The following TMEM170B variants were observed in gnomAD, a reference collection of about 807,000 sequenced individuals.
TMEM170B encodes transmembrane protein 170B.
TMEM170B carries 6 observed loss-of-function variants against 13.0 expected under a neutral mutation model. The observed-to-expected ratio is 0.46, with a 90% CI of 0.25 to 0.91. TMEM170B has a LOEUF of 0.91. Ranked by LOEUF, TMEM170B falls within the 40% of genes least tolerant of loss-of-function variation. The pLI is 0.17. For synonymous variants in TMEM170B, 61 were observed against 64.9 expected (o/e 0.94, Z 0.29); for missense variants, 138 against 165.2 (o/e 0.84, Z 0.90).
chr6:11,570,514 G>A (rs1271884530), intron 2 of TMEM170B, among the ~76,000 whole-genome samples: 1 of 152,092 alleles, frequency 6.6e-6, no homozygotes, highest in Non-Finnish European at 1.5e-5. Flanking sequence ...TTTATGAACA[G>A]CTATACCTAA....
At chr6:11,551,055 T>C (rs1759517765) in intron 1 of TMEM170B, among the ~76,000 whole-genome samples, 1 of 152,214 alleles carries the variant, frequency 6.6e-6, no homozygotes, top group East Asian at 1.9e-4. Context: ...CTCAGGGTCT[T>C]ACAGTGTCCA....
At position 11,575,475 on chromosome 6, in the gene TMEM170B, GC is replaced by G; in HGVS notation, c.317del (p.Pro106LeufsTer14). 6.2e-7 allele frequency: 1 copy of G among 1,613,504 alleles called. No individual in the cohort carries two copies. The highest frequency in any genetic ancestry group is 1.1e-5 in the South Asian group (1 of 91,058). On this transcript the variant is annotated frameshift_variant, in exon 3 of 3. Coordinates refer to ENST00000379426, the MANE Select transcript of TMEM170B (RefSeq NM_001100829.3). LOFTEE classifies it high-confidence loss of function. The surrounding 1 kb of genome is among the most constrained non-coding windows in gnomAD (Gnocchi z 4.1). ...GIYRVAGKNM[A>X]PLEALVWGVG... The stretch of plus-strand genomic sequence containing the variant: ...TTACAGAGTAGCTGGGAAGAACATG[GC>G]CCCTTTGGAAGCGCTGGTATGGGGC...
At chr6:11,571,242 G>A (rs1013121276) in intron 2 of TMEM170B, among the ~76,000 whole-genome samples, 57 of 150,458 alleles carry the variant, frequency 3.8e-4, no homozygotes, top group Admixed American at 3.3e-3. Flanking sequence ...CTGGAATGCA[G>A]TGACACACTC....
At chr6:11,546,725 G>A (rs1759446111) in intron 1 of TMEM170B, among the ~76,000 whole-genome samples, 1 of 152,198 alleles carries the variant, frequency 6.6e-6, no homozygotes, top group African/African-American at 2.4e-5. Context: ...TTGCCTAGGA[G>A]CAATAGGCTA....
chr6:11,559,529 G>A (rs114475934), intron 1 of TMEM170B, among the ~76,000 whole-genome samples: 329 of 152,188 alleles, frequency 2.2e-3, no homozygotes, highest in Middle Eastern at 0.01. Context: ...AACCATTCAC[G>A]AAGACTATAC....
At chr6:11,550,858 C>G (rs1005934343) in intron 1 of TMEM170B, among the ~76,000 whole-genome samples, 2 of 152,134 alleles carry the variant, frequency 1.3e-5, no homozygotes, top group Non-Finnish European at 2.9e-5. Context: ...GGACATGGTG[C>G]TGTCAGAGAT....
In TMEM170B at chr6:11,575,297, T is replaced by C; in HGVS notation, c.269-134T>C. ...CACCAATCACAGGGAAACTTTTTCA[T>C]AGAAAGTGGATAAAATGAGAAAAAA... On this transcript the variant is annotated intron_variant, in intron 2 of 2. Transcript: ENST00000379426. This position sits in a 1 kb window ranked among gnomAD's most constrained non-coding sequence, Gnocchi z 4.1. The C allele has an allele frequency of 8.0e-7, 1 of 1,251,194 alleles. No homozygotes were observed. Among genetic ancestry groups the C allele is most frequent in the Non-Finnish European group, 1.1e-6 (1 of 905,282 alleles). 77.5% of individuals were successfully genotyped at this position (1,251,194 alleles called of 1,614,324 possible).
At chr6:11,547,065 T>C (rs1759450513) in intron 1 of TMEM170B, among the ~76,000 whole-genome samples, 1 of 152,214 alleles carries the variant, frequency 6.6e-6, no homozygotes, top group Non-Finnish European at 1.5e-5. Context: ...GTAACTGTAA[T>C]TGCAGAAAGT....
rs1266617486 is a variant in TMEM170B, at chr6:11,581,768, CTT to C, written c.*6208_*6209del. ...GAGTACTACTGATGATGACGCTTCTCTTGTTTTTAAAGTATTTACACATCATT... is the reference window on the plus strand; with the variant it reads ...GAGTACTACTGATGATGACGCTTCTCGTTTTTAAAGTATTTACACATCATT... On this transcript the variant is annotated 3_prime_UTR_variant, in exon 3 of 3. Transcript: ENST00000379426. The C allele has an allele frequency of 5.3e-5, 8 of 152,112 alleles. No individual in the cohort carries two copies. Among genetic ancestry groups the C allele is most frequent in the African/African-American group, 1.9e-4 (8 of 41,422 alleles). 9.4% of individuals were successfully genotyped at this position (152,112 alleles called of 1,614,324 possible). A position where few individuals can be genotyped will look rare whatever the true frequency, so the allele number is the denominator to read the frequency against.
In TMEM170B at chr6:11,541,248, G is replaced by A. The variant is rs756124265; in HGVS notation, c.97+2874G>A. 7.2e-5 allele frequency among the ~76,000 whole-genome samples: 11 copies of A among 152,176 alleles called. No homozygotes were observed. In the South Asian group the frequency reaches 1.0e-3, roughly 14 times the overall value. Reference sequence around the variant, plus strand: ...TCTCTAGCTGTGCAAGTCCTAAATGGCATCTTCTTCTGATATAAGGCTGTT... The same window carrying A: ...TCTCTAGCTGTGCAAGTCCTAAATGACATCTTCTTCTGATATAAGGCTGTT... On this transcript the variant is annotated intron_variant, in intron 1 of 2. Transcript: ENST00000379426.
intron 1 of TMEM170B, among the ~76,000 whole-genome samples, chr6:11,543,662 C>T (rs541502723): frequency 1.3e-5 from 2 of 152,196 alleles, no homozygotes; most frequent in South Asian, 2.1e-4. Context: ...GGAAATGAAA[C>T]TAATAGAAAG....
rs1371628119 is a variant in TMEM170B, at chr6:11,582,076, A to G, written c.*6515A>G. 6.6e-6 allele frequency: 1 copy of G among 152,202 alleles called. No individual in the cohort carries two copies. The highest frequency in any genetic ancestry group is 1.5e-5 in the Non-Finnish European group (1 of 68,010). 9.4% of individuals were successfully genotyped at this position (152,202 alleles called of 1,614,324 possible). A position where few individuals can be genotyped will look rare whatever the true frequency, so the allele number is the denominator to read the frequency against. On this transcript the variant is annotated 3_prime_UTR_variant, in exon 3 of 3. Coordinates refer to ENST00000379426, the MANE Select transcript of TMEM170B (RefSeq NM_001100829.3). ...ATTCACGGTATTTTTTGTTTTAGCC[A>G]TCCAAAATTCATAGGATTCTACCAA...
rs1759944920 is a variant in TMEM170B at position 11,580,741 on chromosome 6, A to G, written c.*5180A>G. On this transcript the variant is annotated 3_prime_UTR_variant, in exon 3 of 3. Transcript: ENST00000379426. ...TTTGATTAAAAATTATAGCATTTGG[A>G]GAGGTAACACACAAAAACAAAAACA... is the stretch of plus-strand genomic sequence containing the variant. The G allele has an allele frequency of 6.6e-6, 1 of 152,230 alleles. No individual in the cohort carries two copies. Among genetic ancestry groups the G allele is most frequent in the Non-Finnish European group, 1.5e-5 (1 of 68,036 alleles). 9.4% of individuals were successfully genotyped at this position (152,230 alleles called of 1,614,324 possible).
intron 1 of TMEM170B, among the ~76,000 whole-genome samples, chr6:11,557,069 C>A (rs1248567491): frequency 6.6e-6 from 1 of 152,108 alleles, no homozygotes; most frequent in African/African-American, 2.4e-5. Flanking sequence ...TATGTTAACC[C>A]ATGCTTGGTC....
intron 1 of TMEM170B, among the ~76,000 whole-genome samples, chr6:11,538,866 G>A (rs1452481531): frequency 2.6e-5 from 4 of 152,094 alleles, no homozygotes; most frequent in African/African-American, 9.7e-5. Flanking sequence ...CTAATTTTTT[G>A]GGCGATGTAG....
intron 1 of TMEM170B, among the ~76,000 whole-genome samples, chr6:11,546,749 A>G (rs1440568267): frequency 6.6e-6 from 1 of 152,238 alleles, no homozygotes; most frequent in Admixed American, 6.5e-5. Context: ...CATATAGCCT[A>G]AATGGAATAT....
intron 1 of TMEM170B, among the ~76,000 whole-genome samples, chr6:11,558,106 G>A (rs1012130956): frequency 6.6e-6 from 1 of 152,028 alleles, no homozygotes; most frequent in Non-Finnish European, 1.5e-5. Context: ...TATTCTTATA[G>A]TCTCTCATCT....
intron 1 of TMEM170B, among the ~76,000 whole-genome samples, chr6:11,550,070 T>G (rs1156471182): frequency 6.6e-6 from 1 of 152,154 alleles, no homozygotes; most frequent in Non-Finnish European, 1.5e-5. Flanking sequence ...ACTCCTGGAC[T>G]CAAGCAGTCT....
At chr6:11,548,548 A>G (rs1266100529) in intron 1 of TMEM170B, among the ~76,000 whole-genome samples, 1 of 152,212 alleles carries the variant, frequency 6.6e-6, no homozygotes, top group Non-Finnish European at 1.5e-5. Flanking sequence ...TAGAAATACC[A>G]TTTGACCCAG....
Sources: allele counts gnomAD v4.1 joint callset (sites outside exome capture counted in the v4.1 genomes callset), GRCh38; gene constraint gnomAD v4.1.1; non-coding constraint Gnocchi (gnomAD v3.1); transcripts MANE v1.5; gene names NCBI Gene and HGNC (gene_info 2026-07-23, HGNC 2026-07-21).